CERKL: variants seen among roughly 807,000 people sequenced by gnomAD.
CERKL encodes ceramide kinase-like protein.
In CERKL, 61 loss-of-function variants were observed where a neutral mutation model predicts 63.4. The ratio of observed to expected loss-of-function variants is 0.96; its 90% CI spans 0.78 to 1.19. The LOEUF is 1.19. Among genes scored for constraint, CERKL ranks in the 50% most tolerant of loss-of-function variants. CERKL has a pLI of 0.00. For synonymous variants in CERKL, 250 were observed against 230.5 expected (o/e 1.08, Z -0.77); for missense variants, 675 against 655.5 (o/e 1.03, Z -0.33).
intron 2 of CERKL, among the ~76,000 whole-genome samples, chr2:181,588,554 A>G (rs1684858536): frequency 1.3e-5 from 2 of 152,116 alleles, no homozygotes; most frequent in East Asian, 1.9e-4. Context: ...TGCTGCAATA[A>G]TCACTAAAAT....
chr2:181,618,127 A>G (rs4571021), intron 1 of CERKL, among the ~76,000 whole-genome samples: 33,584 of 152,126 alleles, frequency 0.22, 6,707 homozygotes, highest in African/African-American at 0.54. Flanking sequence ...GAGAGTGAGA[A>G]GGGGGTGGGT....
chr2:181,608,222 C>T (rs566208429), intron 1 of CERKL, among the ~76,000 whole-genome samples: 18 of 151,764 alleles, frequency 1.2e-4, no homozygotes, highest in Non-Finnish European at 2.5e-4. Context: ...TTATTCTAAA[C>T]GGTTGTCTAT....
At chr2:181,645,497 C>A (rs1687631670) in intron 1 of CERKL, among the ~76,000 whole-genome samples, 1 of 152,230 alleles carries the variant, frequency 6.6e-6, no homozygotes, top group South Asian at 2.1e-4. Context: ...GCATCAAGTG[C>A]TCCCCTTGCC....
intron 10 of CERKL, among the ~76,000 whole-genome samples, chr2:181,547,100 C>G (rs1410406236): frequency 1.3e-5 from 2 of 152,166 alleles, no homozygotes; most frequent in African/African-American, 4.8e-5. Flanking sequence ...CTTTCATCTT[C>G]CACCATGATT....
At position 181,544,686 on chromosome 2, in the gene CERKL, A is replaced by G; in HGVS notation, c.1365+14T>C. ...ATAGCTTTGCAAATAAGTAACAAAA[A>G]GAATTTACTATACCTGATTTTTTAC... On this transcript the variant is annotated intron_variant, in intron 11 of 12. Coordinates refer to ENST00000410087, the MANE Select transcript of CERKL (RefSeq NM_201548.5). 6.7e-7 allele frequency: 1 copy of G among 1,482,754 alleles called. No homozygotes were observed. The highest frequency in any genetic ancestry group is 9.4e-7 in the Non-Finnish European group (1 of 1,067,260). The allele number at this position is 1,482,754 out of a possible 1,614,324, so 91.8% of individuals were successfully genotyped here.
intron 4 of CERKL, among the ~76,000 whole-genome samples, chr2:181,561,409 C>CAG (rs1688434477): frequency 8.1e-6 from 1 of 122,972 alleles, no homozygotes; most frequent in Admixed American, 8.1e-5. Context: ...GAATTTATCT[C>CAG]AAAAAAAAAA....
At chr2:181,605,842 T>C (rs1685652262) in intron 1 of CERKL, among the ~76,000 whole-genome samples, 1 of 152,174 alleles carries the variant, frequency 6.6e-6, no homozygotes, top group Non-Finnish European at 1.5e-5. Flanking sequence ...CTCTCTCAGC[T>C]TTTTAGTCCT....
intron 8 of CERKL, chr2:181,548,325 G>A: frequency 1.8e-6 from 1 of 570,364 alleles, no homozygotes; most frequent in South Asian, 2.2e-5. Context: ...GAGGGAGGGA[G>A]AGACAGGGGG....
intron 2 of CERKL, among the ~76,000 whole-genome samples, chr2:181,597,612 G>A (rs777184430): frequency 7.2e-5 from 11 of 152,174 alleles, no homozygotes; most frequent in Non-Finnish European, 1.2e-4. Context: ...TGTTATTGGT[G>A]GTAATTTAGG....
chr2:181,590,234 TTCAAGTGATTC>T (rs1367685792), intron 2 of CERKL, among the ~76,000 whole-genome samples: 1 of 152,038 alleles, frequency 6.6e-6, no homozygotes, highest in Non-Finnish European at 1.5e-5. Flanking sequence ...ACCTGCTGGG[TTCAAGTGATTC>T]TCATGCCTCA....
intron 1 of CERKL, among the ~76,000 whole-genome samples, chr2:181,627,199 A>G (rs1686745807): frequency 6.6e-6 from 1 of 152,310 alleles, no homozygotes; most frequent in East Asian, 1.9e-4. Flanking sequence ...ACAATGGAGA[A>G]TGGAAACTAA....
intron 4 of CERKL, chr2:181,565,573 TG>T: frequency 8.5e-7 from 1 of 1,178,966 alleles, no homozygotes; most frequent in East Asian, 2.4e-5. Flanking sequence ...TATTTCTTAT[TG>T]TTTCTGGAAA....
At chr2:181,578,724 C>A (rs1684369908) in intron 2 of CERKL, among the ~76,000 whole-genome samples, 1 of 152,002 alleles carries the variant, frequency 6.6e-6, no homozygotes, top group Non-Finnish European at 1.5e-5. Context: ...TTAAAGATGA[C>A]TCCATATCAC....
intron 2 of CERKL, among the ~76,000 whole-genome samples, chr2:181,597,834 G>A (rs1685284446): frequency 6.6e-6 from 1 of 152,062 alleles, no homozygotes. Context: ...AAGCCCAGGG[G>A]GCCAGCAAGT....
rs755472414 is a variant in CERKL, at chr2:181,539,098, T to C, written c.1532A>G (p.His511Arg). Reference protein sequence around the residue: ...GDLMEVASEVHIRLHPRLISL... With the variant: ...GDLMEVASEVRIRLHPRLISL... ...GTGAAATAAATAGACTTACCTAATA[T>C]GGACCTCTGATGCAACTTCCATTAA... The change falls in exon 12 of 13, where the codon CAT becomes CGT. Residue 511 changes from histidine (H) to arginine (R), a missense_variant. By Grantham distance (29) the His-to-Arg change is conservative (BLOSUM62 0). Coordinates refer to ENST00000410087, the MANE Select transcript of CERKL (RefSeq NM_201548.5). 2 of 1,597,828 alleles carry C rather than the reference T, an allele frequency of 1.3e-6. No homozygotes were observed. Among genetic ancestry groups the C allele is most frequent in the Middle Eastern group, 1.7e-4 (1 of 6,040 alleles).
chr2:181,538,968 G>A lies in CERKL; in HGVS notation c.1538+124C>T, dbSNP rs1009674040. 3 of 748,222 alleles carry A rather than the reference G, an allele frequency of 4.0e-6. No individual in the cohort carries two copies. The African/African-American group carries it at 5.3e-5, about 13-fold the overall frequency. The allele number at this position is 748,222 out of a possible 1,614,324, so 46.3% of individuals were successfully genotyped here. The stretch of plus-strand genomic sequence containing the variant: ...TGTGCATGTCTCTTTATGCTTCCCT[G>A]ATTTACTGATTTTTTAAAAACTAAC... On this transcript the variant is annotated intron_variant, in intron 12 of 12. Coordinates refer to ENST00000410087, the MANE Select transcript of CERKL (RefSeq NM_201548.5).
intron 2 of CERKL, among the ~76,000 whole-genome samples, chr2:181,582,538 T>G (rs565648056): frequency 1.1e-4 from 15 of 141,752 alleles, no homozygotes; most frequent in South Asian, 2.2e-4. Context: ...TATATATATG[T>G]TTTTTTTTTT....
In CERKL at chr2:181,625,836, AC is replaced by A. The variant is rs1574511780; in HGVS notation, c.239-21758del. 2.0e-5 allele frequency among the ~76,000 whole-genome samples: 3 copies of A among 152,362 alleles called. No homozygotes were observed. In the South Asian group the frequency reaches 6.2e-4, roughly 32 times the overall value. On this transcript the variant is annotated intron_variant, in intron 1 of 12. Coordinates refer to ENST00000410087, the MANE Select transcript of CERKL (RefSeq NM_201548.5). The stretch of plus-strand genomic sequence containing the variant: ...CTAGGAGTTAGAGAAACAGGGGCAA[AC>A]AAAACAGAAACTTACCCTGTGGTAA...
At chr2:181,592,226 A>G (rs1258193006) in intron 2 of CERKL, among the ~76,000 whole-genome samples, 2 of 152,100 alleles carry the variant, frequency 1.3e-5, no homozygotes, top group East Asian at 3.9e-4. Context: ...AGCTGATTTA[A>G]TGTTATAAAC....
Sources: allele counts gnomAD v4.1 joint callset (sites outside exome capture counted in the v4.1 genomes callset), GRCh38; gene constraint gnomAD v4.1.1; transcripts MANE v1.5; gene names NCBI Gene and HGNC (gene_info 2026-07-23, HGNC 2026-07-21).